Variants in FSTL4 observed in about 807,000 individuals in gnomAD.
FSTL4 encodes the protein follistatin-related protein 4.
A neutral mutation model predicts 78.2 loss-of-function variants in FSTL4; 28 were observed. The ratio of observed to expected loss-of-function variants is 0.36; its 90% CI spans 0.27 to 0.49. The LOEUF is 0.49. Among genes scored for constraint, FSTL4 ranks in the 20% least tolerant of loss-of-function variants. The probability of loss-of-function intolerance (pLI) is 0.98; values close to 1 mark genes in which losing one functional copy is unlikely to be tolerated. For missense variants in FSTL4, 922 were observed against 1,084.9 expected (o/e 0.85, Z 2.11); for synonymous variants, 422 against 440.5 (o/e 0.96, Z 0.53).
In FSTL4 at chr5:133,361,155, A is replaced by G. The variant is rs145643220; in HGVS notation, c.409+39583T>C. Among the ~76,000 whole-genome samples the G allele has an allele frequency of 6.6e-6, 1 of 152,298 alleles. No individual in the cohort carries two copies. The highest frequency in any genetic ancestry group is 2.4e-5 in the African/African-American group (1 of 41,548). On this transcript the variant is annotated intron_variant, in intron 4 of 15. Coordinates refer to ENST00000265342, the MANE Select transcript of FSTL4 (RefSeq NM_015082.2). The surrounding 1 kb of genome is among the most constrained non-coding windows in gnomAD (Gnocchi z 4.3). ...CCTTGAAGCCGAGAGCAAGTCTGAA[A>G]CATGATTCCCGACCTCTTCTCGCTC... is the stretch of plus-strand genomic sequence containing the variant.
chr5:133,367,594 G>A (rs574238714), intron 4 of FSTL4, among the ~76,000 whole-genome samples: 29 of 152,264 alleles, frequency 1.9e-4, no homozygotes, highest in African/African-American at 6.5e-4. Context: ...GATCTTGGTC[G>A]GCAGCAGGCA....
chr5:133,738,406 C>A, the FSTL4 span, among the ~76,000 whole-genome samples: 7 of 151,388 alleles, frequency 4.6e-5, 1 homozygote, highest in Non-Finnish European at 1.0e-4. Flanking sequence ...TGAGCCTTTT[C>A]CCTCTCCTCC....
intron 5 of FSTL4, 92 bp downstream of exon 5, chr5:133,316,367 T>C: frequency 3.1e-6 from 3 of 955,648 alleles, no homozygotes; most frequent in Non-Finnish European, 4.9e-6. Flanking sequence ...TCAGAGGTAT[T>C]GAACACATGC....
intron 4 of FSTL4, among the ~76,000 whole-genome samples, chr5:133,398,670 C>T (rs6875606): frequency 0.17 from 25,405 of 152,194 alleles, 3,366 homozygotes; most frequent in African/African-American, 0.37. Flanking sequence ...GCCCCTCCTT[C>T]ACTTCTCTCC....
chr5:133,714,601 C>T, the FSTL4 span, among the ~76,000 whole-genome samples: 1 of 152,198 alleles, frequency 6.6e-6, no homozygotes, highest in South Asian at 2.1e-4. Context: ...ATCTAAGCTT[C>T]GTAAAACTTC....
intron 6 of FSTL4, among the ~76,000 whole-genome samples, chr5:133,306,460 T>A (rs1487261262): frequency 6.6e-6 from 1 of 152,214 alleles, no homozygotes; most frequent in Non-Finnish European, 1.5e-5. Flanking sequence ...ACTTTCATCT[T>A]CAATAAGGCA....
At chr5:133,810,202 C>T in the FSTL4 span, among the ~76,000 whole-genome samples, 1 of 152,214 alleles carries the variant, frequency 6.6e-6, no homozygotes. Context: ...CTCCTGGAGC[C>T]ACCACTAACT....
At chr5:133,598,041 C>A (rs191320630) in intron 2 of FSTL4, among the ~76,000 whole-genome samples, 1 of 152,226 alleles carries the variant, frequency 6.6e-6, no homozygotes, top group East Asian at 1.9e-4. Flanking sequence ...ACCCTAGAAC[C>A]AAGGTTGTTT....
chr5:133,219,590 G>A (rs114365689), intron 12 of FSTL4, among the ~76,000 whole-genome samples: 1,907 of 152,312 alleles, frequency 0.013, 48 homozygotes, highest in African/African-American at 0.043. Flanking sequence ...GAAGAGGCTT[G>A]TCCCATTGTA....
chr5:133,577,857 C>G (rs1207360395), intron 2 of FSTL4, among the ~76,000 whole-genome samples: 1 of 152,112 alleles, frequency 6.6e-6, no homozygotes, highest in East Asian at 1.9e-4. Context: ...CAATGGAGCG[C>G]CACTGCACTC....
chr5:133,594,689 A>G (rs1179927280), intron 2 of FSTL4, among the ~76,000 whole-genome samples: 1 of 152,252 alleles, frequency 6.6e-6, no homozygotes, highest in African/African-American at 2.4e-5. Flanking sequence ...TGGAATGGAC[A>G]TTCAAAATGT....
upstream of FSTL4, among the ~76,000 whole-genome samples, chr5:133,617,387 C>G (rs1357262977): frequency 6.6e-6 from 1 of 151,246 alleles, no homozygotes; most frequent in African/African-American, 2.4e-5. Context: ...TTGTCAGACT[C>G]AAGACCTGGG....
At chr5:133,281,856 G>T (rs1339261864) in intron 6 of FSTL4, among the ~76,000 whole-genome samples, 1 of 152,134 alleles carries the variant, frequency 6.6e-6, no homozygotes, top group African/African-American at 2.4e-5. Flanking sequence ...GACTTCTGGG[G>T]AGTGTGGTGG....
the FSTL4 span, among the ~76,000 whole-genome samples, chr5:133,631,117 A>G: frequency 2.0e-5 from 3 of 152,252 alleles, no homozygotes; most frequent in African/African-American, 7.2e-5. Flanking sequence ...AACACCAAAA[A>G]CAATGGCAAC....
chr5:133,335,175 C>T (rs891696834), intron 4 of FSTL4, among the ~76,000 whole-genome samples: 2 of 152,186 alleles, frequency 1.3e-5, no homozygotes, highest in Non-Finnish European at 2.9e-5. Flanking sequence ...GAGGCAGGTG[C>T]TCAGTTAGTC....
intron 14 of FSTL4, chr5:133,207,948 G>A (rs1750579414): frequency 6.6e-6 from 1 of 152,134 alleles, no homozygotes; most frequent in African/African-American, 2.4e-5. Context: ...ACTGCACCTG[G>A]CTCCTACTCT....
At chr5:133,322,823 G>A (rs1459781069) in intron 4 of FSTL4, among the ~76,000 whole-genome samples, 1 of 152,348 alleles carries the variant, frequency 6.6e-6, no homozygotes, top group African/African-American at 2.4e-5. Flanking sequence ...CTCTTGGCAA[G>A]TGTTATGGGG....
the FSTL4 span, among the ~76,000 whole-genome samples, chr5:133,626,984 T>A: frequency 6.6e-6 from 1 of 152,126 alleles, no homozygotes. Context: ...AGAGCAGGTA[T>A]TGAAGTCTCC....
At chr5:133,797,497 G>T in the FSTL4 span, among the ~76,000 whole-genome samples, 1 of 152,200 alleles carries the variant, frequency 6.6e-6, no homozygotes, top group African/African-American at 2.4e-5. Context: ...ATCTGTCTTA[G>T]GATCTCTATT....
Sources: gnomAD v4.1 joint callset for allele counts (sites outside exome capture counted in the v4.1 genomes callset) on GRCh38, gnomAD v4.1.1 for gene constraint, Gnocchi (gnomAD v3.1) non-coding constraint, MANE v1.5 for transcripts, NCBI Gene and HGNC (gene_info 2026-07-23, HGNC 2026-07-21) for gene names.